The following SDK2 variants were observed in gnomAD, a reference collection of about 807,000 sequenced individuals.
The protein encoded by SDK2 is sidekick cell adhesion molecule 2.
A neutral mutation model predicts 253.9 loss-of-function variants in SDK2; 105 were observed. The ratio of observed to expected loss-of-function variants is 0.41; its 90% CI spans 0.35 to 0.49. The LOEUF is 0.49. Ranked by LOEUF, SDK2 falls within the 20% of genes least tolerant of loss-of-function variation. SDK2 has a pLI of 0.06. For synonymous variants in SDK2, 1,249 were observed against 1,234.9 expected (o/e 1.01, Z -0.24); for missense variants, 2,608 against 3,003.0 (o/e 0.87, Z 3.07).
chr17:73,451,384 T>C (rs750178314), intron 4 of SDK2, among the ~76,000 whole-genome samples: 17 of 152,200 alleles, frequency 1.1e-4, no homozygotes, highest in Non-Finnish European at 2.2e-4. Flanking sequence ...TGCATGCCTG[T>C]AATCCCAGCT....
At chr17:73,604,075 C>T (rs1046591381) in intron 1 of SDK2, among the ~76,000 whole-genome samples, 2 of 152,268 alleles carry the variant, frequency 1.3e-5, no homozygotes, top group African/African-American at 2.4e-5. Context: ...GCGGAGGGAA[C>T]GCCCGCGCCG....
chr17:73,583,576 T>G (rs2045564716), intron 1 of SDK2, among the ~76,000 whole-genome samples: 1 of 152,160 alleles, frequency 6.6e-6, no homozygotes, highest in African/African-American at 2.4e-5. Context: ...GATGAAAAGT[T>G]AGAAGGGCCA....
chr17:73,334,505 C>T lies in SDK2; in HGVS notation c.*4082G>A, dbSNP rs566751969. The T allele has an allele frequency of 9.2e-5, 14 of 152,294 alleles. 1 individual carries two copies. The highest frequency in any genetic ancestry group is 1.7e-4 in the African/African-American group (7 of 41,560). The allele number at this position is 152,294 out of a possible 1,614,324, so 9.4% of individuals were successfully genotyped here. ...CATTTAAAAAATAAACCTGCTAACACGCTATATGACATAGAGATATATATT... is the reference window on the plus strand; with the variant it reads ...CATTTAAAAAATAAACCTGCTAACATGCTATATGACATAGAGATATATATT... On this transcript the variant is annotated 3_prime_UTR_variant, in exon 45 of 45. Coordinates refer to ENST00000392650, the MANE Select transcript of SDK2 (RefSeq NM_001144952.2).
At chr17:73,385,036 C>T (rs186920624) in intron 32 of SDK2, among the ~76,000 whole-genome samples, 1 of 152,306 alleles carries the variant, frequency 6.6e-6, no homozygotes, top group African/African-American at 2.4e-5. Context: ...GGGGGACCCT[C>T]CTGGCTTTGT....
intron 1 of SDK2, among the ~76,000 whole-genome samples, chr17:73,556,676 C>T (rs907918074): frequency 1.3e-5 from 2 of 152,186 alleles, no homozygotes; most frequent in African/African-American, 2.4e-5. Context: ...GAACCTGTTT[C>T]CGGTTTTGAA....
At chr17:73,442,508 T>C (rs550628155) in intron 5 of SDK2, among the ~76,000 whole-genome samples, 59 of 152,228 alleles carry the variant, frequency 3.9e-4, no homozygotes, top group Admixed American at 2.7e-3. Context: ...GTCCGGCTAA[T>C]TTTTGTATTT....
chr17:73,561,237 G>C (rs1206431608), intron 1 of SDK2, among the ~76,000 whole-genome samples: 1 of 152,174 alleles, frequency 6.6e-6, no homozygotes, highest in East Asian at 1.9e-4. Context: ...ACAATTACGG[G>C]GTTGGTAGGG....
intron 18 of SDK2, among the ~76,000 whole-genome samples, chr17:73,405,622 T>C (rs1187533800): frequency 1.3e-5 from 2 of 150,188 alleles, no homozygotes; most frequent in Non-Finnish European, 3.0e-5. Context: ...GTGGGATTGG[T>C]TCCAGGACCG....
At chr17:73,632,041 C>T (rs901507747) in intron 1 of SDK2, among the ~76,000 whole-genome samples, 2 of 152,224 alleles carry the variant, frequency 1.3e-5, no homozygotes, top group African/African-American at 4.8e-5. Context: ...CAGACTACCA[C>T]CCAATCACCC....
Position 73,379,351 on chromosome 17 carries a change from C to A in SDK2, c.4865-59G>T. On this transcript the variant is annotated intron_variant, in intron 35 of 44. Coordinates refer to ENST00000392650, the MANE Select transcript of SDK2 (RefSeq NM_001144952.2). This position sits in a 1 kb window ranked among gnomAD's most constrained non-coding sequence, Gnocchi z 4.5. ...GAGTAAACCTGGGAGGGGAGGTGGG[C>A]TGGGCGGGATGGGGAGCCCAGATCC... The A allele has an allele frequency of 1.6e-6, 1 of 631,246 alleles. No homozygotes were observed. The highest frequency in any genetic ancestry group is 2.7e-6 in the Non-Finnish European group (1 of 368,496). The allele number at this position is 631,246 out of a possible 1,614,324, so 39.1% of individuals were successfully genotyped here.
intron 12 of SDK2, among the ~76,000 whole-genome samples, chr17:73,426,567 T>C (rs1367078625): frequency 2.6e-5 from 4 of 152,206 alleles, no homozygotes; most frequent in Admixed American, 1.3e-4. Context: ...GTGGTCCTTA[T>C]GGCAAAATGT....
chr17:73,616,316 G>A lies in SDK2; in HGVS notation c.64+27709C>T, dbSNP rs1254874924. On this transcript the variant is annotated intron_variant, in intron 1 of 44. Coordinates refer to ENST00000392650, the MANE Select transcript of SDK2 (RefSeq NM_001144952.2). This position sits in a 1 kb window ranked among gnomAD's most constrained non-coding sequence, Gnocchi z 5.2. ...TGAGCTAGACAAATTTCCACCCCCG[G>A]CTCCCCACCTCAACAGTCTCCCCAG... 1.3e-5 allele frequency among the ~76,000 whole-genome samples: 2 copies of A among 151,706 alleles called. No individual in the cohort carries two copies. Among genetic ancestry groups the A allele is most frequent in the African/African-American group, 4.8e-5 (2 of 41,256 alleles).
intron 1 of SDK2, among the ~76,000 whole-genome samples, chr17:73,596,253 CTAT>C (rs1033520119): frequency 1.3e-4 from 20 of 152,064 alleles, no homozygotes; most frequent in African/African-American, 4.6e-4. Context: ...GTGGCGACCT[CTAT>C]GAGAGAAGGC....
chr17:73,384,044 C>G, intron 32 of SDK2, 33 bp from the exon 33 acceptor site: 2 of 1,604,388 alleles, frequency 1.2e-6, no homozygotes, highest in Non-Finnish European at 1.7e-6. Context: ...GGGGAGGGCA[C>G]CTGGACCACC....
intron 42 of SDK2, 89 bp downstream of exon 42, chr17:73,350,561 G>A: frequency 6.8e-7 from 1 of 1,465,710 alleles, no homozygotes; most frequent in Non-Finnish European, 9.2e-7. Flanking sequence ...CCAGGAGCCA[G>A]GAGAGGGACC....
In SDK2 at chr17:73,455,893, G is replaced by A; in HGVS notation, c.479+13C>T. Reference sequence around the variant, plus strand: ...CCCCTCCCCTCCCCGTCCCCTCAGAGCGATGCACTCACATGCGGCTGCTGG... The same window carrying A: ...CCCCTCCCCTCCCCGTCCCCTCAGAACGATGCACTCACATGCGGCTGCTGG... On this transcript the variant is annotated intron_variant, in intron 4 of 44. Transcript: ENST00000392650. This position sits in a 1 kb window ranked among gnomAD's most constrained non-coding sequence, Gnocchi z 5.0. 2 of 1,538,672 alleles carry A rather than the reference G, an allele frequency of 1.3e-6. No individual in the cohort carries two copies. Among genetic ancestry groups the A allele is most frequent in the Non-Finnish European group, 1.7e-6 (2 of 1,145,416 alleles).
At chr17:73,522,591 T>G (rs1458448084) in intron 1 of SDK2, among the ~76,000 whole-genome samples, 12 of 152,114 alleles carry the variant, frequency 7.9e-5, no homozygotes, top group Admixed American at 7.9e-4. Context: ...CAGGAGAAGG[T>G]GATGGTATGT....
chr17:73,560,500 C>T (rs753881301), intron 1 of SDK2, among the ~76,000 whole-genome samples: 24 of 151,636 alleles, frequency 1.6e-4, no homozygotes, highest in Admixed American at 9.2e-4. Context: ...CCACCATGCG[C>T]GTCTAATTTT....
chr17:73,526,186 G>A (rs954657934), intron 1 of SDK2, among the ~76,000 whole-genome samples: 17 of 152,226 alleles, frequency 1.1e-4, no homozygotes, highest in African/African-American at 3.6e-4. Flanking sequence ...GCCAGGATGC[G>A]TGCAAGGAAC....
Sources: gnomAD v4.1 joint callset for allele counts (sites outside exome capture counted in the v4.1 genomes callset) on GRCh38, gnomAD v4.1.1 for gene constraint, Gnocchi (gnomAD v3.1) non-coding constraint, MANE v1.5 for transcripts, NCBI Gene and HGNC (gene_info 2026-07-23, HGNC 2026-07-21) for gene names.